Variants in TYW1 observed in about 807,000 individuals in gnomAD.
The protein encoded by TYW1 is tRNA-yW synthesizing protein 1 homolog.
A neutral mutation model predicts 96.2 loss-of-function variants in TYW1; 46 were observed. The ratio of observed to expected loss-of-function variants is 0.48; its 90% CI spans 0.38 to 0.61. TYW1 has a LOEUF of 0.61. TYW1 is among the 20% of genes least tolerant of loss of function. TYW1 has a pLI of 0.00. For missense variants in TYW1, 684 were observed against 909.6 expected (o/e 0.75, Z 3.19); for synonymous variants, 274 against 323.0 (o/e 0.85, Z 1.63).
rs144840432 is a variant in TYW1, at chr7:67,083,470, A to T, written c.1315A>T (p.Met439Leu). The T allele has an allele frequency of 8.0e-5, 129 of 1,614,102 alleles. No individual in the cohort carries two copies. The highest frequency in any genetic ancestry group is 1.4e-5 in the Non-Finnish European group (17 of 1,180,030). The change falls in exon 11 of 16, where the codon ATG becomes TTG. Residue 439 changes from methionine to leucine, a missense_variant. Physicochemically the swap from Met to Leu is conservative, Grantham distance 15 (BLOSUM62 2). Transcript: ENST00000359626. Reference sequence around the variant, plus strand: ...CGTGGGCACTGAGTGGCGGTGGAAGATGGACCAGCCTGAAATGATCTTGAA... The same window carrying T: ...CGTGGGCACTGAGTGGCGGTGGAAGTTGGACCAGCCTGAAATGATCTTGAA... ...NPVGTEWRWK[M>L]DQPEMILKEA...
chr7:67,120,845 A>G (rs1007627293), intron 13 of TYW1, among the ~76,000 whole-genome samples: 2 of 152,230 alleles, frequency 1.3e-5, no homozygotes, highest in Non-Finnish European at 2.9e-5. Flanking sequence ...TTTGCTCATG[A>G]CAGTAATGCA....
At chr7:67,170,029 T>G (rs10262421) in intron 13 of TYW1, among the ~76,000 whole-genome samples, 42,435 of 151,658 alleles carry the variant, frequency 0.28, 6,445 homozygotes, top group African/African-American at 0.4. Flanking sequence ...ATATCTAATT[T>G]CCTAATGCAA....
intron 12 of TYW1, among the ~76,000 whole-genome samples, chr7:67,102,778 A>C (rs904300812): frequency 3.9e-5 from 6 of 152,012 alleles, no homozygotes; most frequent in African/African-American, 1.5e-4. Context: ...CAGCCTCCCG[A>C]GTAGCTGGGA....
intron 8 of TYW1, among the ~76,000 whole-genome samples, chr7:67,053,081 C>CTT (rs35579526): frequency 8.5e-5 from 11 of 129,770 alleles, no homozygotes; most frequent in South Asian, 2.4e-4. Context: ...CAGTTTTAAG[C>CTT]TTTTTTTTTT....
intron 12 of TYW1, among the ~76,000 whole-genome samples, chr7:67,113,039 C>T (rs1324250277): frequency 6.6e-6 from 1 of 152,190 alleles, no homozygotes; most frequent in Non-Finnish European, 1.5e-5. Context: ...CTCACAGCTG[C>T]AGGCCTTTGC....
chr7:67,058,880 A>G (rs1167739163), intron 9 of TYW1, among the ~76,000 whole-genome samples: 2 of 152,070 alleles, frequency 1.3e-5, no homozygotes, highest in East Asian at 3.9e-4. Context: ...CTCTGCCAAT[A>G]TGGATATCCA....
intron 13 of TYW1, among the ~76,000 whole-genome samples, chr7:67,149,075 T>A (rs1798708605): frequency 1.3e-5 from 2 of 152,188 alleles, no homozygotes; most frequent in African/African-American, 4.8e-5. Flanking sequence ...TCATCCTCCT[T>A]AATTTCTTCT....
chr7:67,238,000 C>T (rs1801947947), intron 15 of TYW1, among the ~76,000 whole-genome samples: 1 of 152,088 alleles, frequency 6.6e-6, no homozygotes, highest in Non-Finnish European at 1.5e-5. Flanking sequence ...TTGAATTAGT[C>T]ACATGGTAAC....
intron 7 of TYW1, among the ~76,000 whole-genome samples, chr7:67,037,467 G>T (rs528737066): frequency 6.8e-6 from 1 of 146,538 alleles, no homozygotes. Context: ...TTGCACCATT[G>T]CACTCCAGCC....
chr7:67,174,671 G>A (rs1368449774), intron 13 of TYW1, among the ~76,000 whole-genome samples: 7 of 150,996 alleles, frequency 4.6e-5, no homozygotes, highest in Non-Finnish European at 8.9e-5. Flanking sequence ...AATAAAAAGA[G>A]CAGAAATTAA....
chr7:67,007,711 T>C (rs1248850661), intron 3 of TYW1, among the ~76,000 whole-genome samples: 3 of 152,108 alleles, frequency 2.0e-5, no homozygotes. Flanking sequence ...CTCGGCTCAC[T>C]GCAACCTCTG....
At chr7:67,079,351 C>A (rs1176315531) in intron 10 of TYW1, among the ~76,000 whole-genome samples, 1 of 151,964 alleles carries the variant, frequency 6.6e-6, no homozygotes, top group African/African-American at 2.4e-5. Context: ...TGTGTGTGTA[C>A]AGGAATTTCT....
chr7:67,057,448 C>T (rs918313065), intron 9 of TYW1, among the ~76,000 whole-genome samples: 5 of 151,856 alleles, frequency 3.3e-5, no homozygotes, highest in African/African-American at 1.2e-4. Context: ...TGTATCACTG[C>T]ACCTCCTGGG....
intron 3 of TYW1, among the ~76,000 whole-genome samples, chr7:67,000,973 A>T (rs1487227048): frequency 2.6e-5 from 4 of 152,032 alleles, no homozygotes; most frequent in Non-Finnish European, 4.4e-5. Flanking sequence ...TAAGCAGTGG[A>T]GGTGGGAAAC....
At chr7:67,234,414 C>A (rs888694469) in intron 15 of TYW1, among the ~76,000 whole-genome samples, 1 of 151,352 alleles carries the variant, frequency 6.6e-6, no homozygotes, top group Non-Finnish European at 1.5e-5. Flanking sequence ...ACTCACTTTC[C>A]GTGTACATGT....
At chr7:67,147,979 C>T (rs991004511) in intron 13 of TYW1, among the ~76,000 whole-genome samples, 52 of 151,028 alleles carry the variant, frequency 3.4e-4, no homozygotes, top group African/African-American at 1.2e-3. Context: ...TTTGACAAAT[C>T]AGAGATTATT....
At chr7:67,033,973 G>A (rs1228306783) in intron 7 of TYW1, among the ~76,000 whole-genome samples, 12 of 152,062 alleles carry the variant, frequency 7.9e-5, no homozygotes, top group Non-Finnish European at 1.5e-4. Context: ...GATTACAGGC[G>A]TGAGCCACCG....
chr7:67,051,164 C>T (rs10269571), intron 8 of TYW1, among the ~76,000 whole-genome samples: 36,870 of 152,066 alleles, frequency 0.24, 4,762 homozygotes, highest in African/African-American at 0.32. Context: ...GCCACTGCAC[C>T]TGGCCTACAC....
At chr7:67,139,662 T>C (rs1052520434) in intron 13 of TYW1, among the ~76,000 whole-genome samples, 8 of 151,706 alleles carry the variant, frequency 5.3e-5, no homozygotes, top group Non-Finnish European at 1.2e-4. Flanking sequence ...GTTGGTTGAA[T>C]CTCCAGATGC....
Sources: allele counts gnomAD v4.1 joint callset (sites outside exome capture counted in the v4.1 genomes callset), GRCh38; gene constraint gnomAD v4.1.1; transcripts MANE v1.5; gene names NCBI Gene and HGNC (gene_info 2026-07-23, HGNC 2026-07-21).